AFF1: variants seen among roughly 807,000 people sequenced by gnomAD.
AFF1 encodes AF4/FMR2 family member 1.
AFF1 carries 48 observed loss-of-function variants against 121.7 expected under a neutral mutation model. The observed-to-expected ratio is 0.39, with a 90% CI of 0.31 to 0.50. The LOEUF (loss-of-function observed/expected upper bound fraction) is 0.50, where lower values mean the gene tolerates loss of function less well. AFF1 is among the 20% of genes least tolerant of loss of function. The pLI is 0.76. For synonymous variants in AFF1, 613 were observed against 563.0 expected (o/e 1.09, Z -1.26); for missense variants, 1,523 against 1,511.7 (o/e 1.01, Z -0.12).
chr4:87,105,066 T>G (rs189925568), intron 8 of AFF1, among the ~76,000 whole-genome samples: 50 of 152,370 alleles, frequency 3.3e-4, no homozygotes, highest in East Asian at 1.7e-3. Context: ...ATGTTTGCCT[T>G]GATAGCATCA....
intron 2 of AFF1, among the ~76,000 whole-genome samples, chr4:87,036,304 T>C (rs921279113): frequency 6.6e-6 from 1 of 152,166 alleles, no homozygotes; most frequent in African/African-American, 2.4e-5. Context: ...TTTCTGAAAT[T>C]TGTCAGTAAC....
At chr4:86,952,667 A>G (rs937855625) in intron 2 of AFF1, among the ~76,000 whole-genome samples, 2 of 150,672 alleles carry the variant, frequency 1.3e-5, no homozygotes, top group African/African-American at 4.9e-5. Context: ...GTAAAAAAAA[A>G]CAAAAAAACA....
At chr4:87,009,458 G>A (rs1238468525) in intron 2 of AFF1, among the ~76,000 whole-genome samples, 3 of 152,172 alleles carry the variant, frequency 2.0e-5, no homozygotes, top group Non-Finnish European at 4.4e-5. Context: ...CAGTGTGGTG[G>A]TTCAACTTGC....
chr4:87,098,836 C>G (rs193042331), intron 8 of AFF1, among the ~76,000 whole-genome samples: 1 of 152,268 alleles, frequency 6.6e-6, no homozygotes, highest in East Asian at 1.9e-4. Flanking sequence ...GGGATTGTCC[C>G]TCGAGTTGGA....
At chr4:87,127,740 T>G in intron 16 of AFF1, 37 bp downstream of exon 16, 1 of 1,608,262 alleles carries the variant, frequency 6.2e-7, no homozygotes, top group Non-Finnish European at 8.5e-7. Flanking sequence ...GTAGAATGTT[T>G]TCTGATAGTA....
chr4:87,034,997 A>G (rs1729419430), intron 2 of AFF1, among the ~76,000 whole-genome samples: 1 of 152,238 alleles, frequency 6.6e-6, no homozygotes, highest in Admixed American at 6.5e-5. Flanking sequence ...AGAAGCTCAC[A>G]GTCTAATAAG....
At chr4:87,028,474 A>G (rs1468171525) in intron 2 of AFF1, among the ~76,000 whole-genome samples, 1 of 150,566 alleles carries the variant, frequency 6.6e-6, no homozygotes, top group Non-Finnish European at 1.5e-5. Context: ...AGAAGAGTAA[A>G]CAAACACGTA....
At chr4:86,971,790 A>G (rs1722965643) in intron 2 of AFF1, among the ~76,000 whole-genome samples, 1 of 152,216 alleles carries the variant, frequency 6.6e-6, no homozygotes, top group Non-Finnish European at 1.5e-5. Context: ...ATGAGTGGAC[A>G]GTATGGGAAA....
chr4:87,090,091 C>T, intron 6 of AFF1, 21 bp downstream of exon 6: 1 of 1,576,410 alleles, frequency 6.3e-7, no homozygotes. Flanking sequence ...AAAAGTATGG[C>T]AGGCATTGCA....
chr4:87,111,631 G>A (rs1360335763), intron 11 of AFF1, among the ~76,000 whole-genome samples: 1 of 152,186 alleles, frequency 6.6e-6, no homozygotes, highest in Non-Finnish European at 1.5e-5. Context: ...TGGGATTACA[G>A]GTGTGAGCCA....
intron 12 of AFF1, 105 bp downstream of exon 12, chr4:87,115,404 C>A: frequency 8.5e-7 from 1 of 1,172,846 alleles, no homozygotes; most frequent in Non-Finnish European, 1.2e-6. Flanking sequence ...AGTTGTCTCA[C>A]AAGTCTTTGC....
intron 2 of AFF1, among the ~76,000 whole-genome samples, chr4:87,040,019 G>A (rs1329435134): frequency 2.6e-5 from 4 of 152,084 alleles, no homozygotes; most frequent in African/African-American, 9.7e-5. Context: ...AGCCTCCCAA[G>A]TAGCTGGGAT....
chr4:87,119,789 C>T (rs903631018), intron 12 of AFF1, among the ~76,000 whole-genome samples: 1 of 152,162 alleles, frequency 6.6e-6, no homozygotes, highest in Non-Finnish European at 1.5e-5. Context: ...AATCGCTTTG[C>T]TGACCAAGAC....
At chr4:87,017,669 G>A (rs904639369) in intron 2 of AFF1, among the ~76,000 whole-genome samples, 6 of 152,050 alleles carry the variant, frequency 3.9e-5, no homozygotes, top group South Asian at 4.2e-4. Context: ...AAAAGCGTTC[G>A]GGCAAAAATG....
At position 86,969,879 on chromosome 4, in the gene AFF1, C is replaced by CAAAAAAAAAAAAAAAAAAAAAAAAAAA. The variant is rs70953629; in HGVS notation, c.38+21326_38+21327insAAAAAAAAAAAAAAAAAAAAAAAAAAA. 4.6e-4 allele frequency among the ~76,000 whole-genome samples: 29 copies of CAAAAAAAAAAAAAAAAAAAAAAAAAAA among 63,632 alleles called. 5 individuals are homozygous for CAAAAAAAAAAAAAAAAAAAAAAAAAAA. Among genetic ancestry groups the CAAAAAAAAAAAAAAAAAAAAAAAAAAA allele is most frequent in the African/African-American group, 1.3e-3 (24 of 18,606 alleles). The allele number at this position is 63,632 out of a possible 152,430, so 41.7% of individuals were successfully genotyped here. A position where few individuals can be genotyped will look rare whatever the true frequency, so the allele number is the denominator to read the frequency against. ...TGGGCGGAAGAGCGAGACTCCGTCTCAAAAAAAAAAAAAAAAAAGGTAAGA... is the reference window on the plus strand; with the variant it reads ...TGGGCGGAAGAGCGAGACTCCGTCTCAAAAAAAAAAAAAAAAAAAAAAAAAAAAAAAAAAAAAAAAAAAAAGGTAAGA... On this transcript the variant is annotated intron_variant, in intron 2 of 20. Coordinates refer to ENST00000395146, the MANE Select transcript of AFF1 (RefSeq NM_001166693.3).
At chr4:87,046,018 G>A in intron 2 of AFF1, 148 bp from the exon 3 acceptor site, 1 of 994,340 alleles carries the variant, frequency 1.0e-6, no homozygotes. Flanking sequence ...GCTGGGTTAA[G>A]GAACTTAGGC....
intron 4 of AFF1, among the ~76,000 whole-genome samples, chr4:87,065,385 G>A (rs1277882878): frequency 6.6e-6 from 1 of 152,088 alleles, no homozygotes. Context: ...ACAACACATG[G>A]GAATTCAAGA....
chr4:86,973,922 A>C (rs953833233), intron 2 of AFF1: 5 of 152,302 alleles, frequency 3.3e-5, no homozygotes, highest in Non-Finnish European at 5.9e-5. Context: ...GAAAAATGGG[A>C]GTCCCTGTTC....
Position 86,938,534 on chromosome 4 carries a change from A to G in AFF1, c.-37+3294A>G, listed in dbSNP as rs552081456. ...GTTTGATTAGTGATATTTTCCTCAA[A>G]TAATAAATTCAACAATGGTTTCTGA... On this transcript the variant is annotated intron_variant, in intron 1 of 20. Transcript: ENST00000395146. Among the ~76,000 whole-genome samples the G allele has an allele frequency of 5.3e-5, 8 of 152,244 alleles. No homozygotes were observed. The South Asian group carries it at 8.3e-4, about 16-fold the overall frequency.
Sources: allele counts gnomAD v4.1 joint callset (sites outside exome capture counted in the v4.1 genomes callset), GRCh38; gene constraint gnomAD v4.1.1; transcripts MANE v1.5; gene names NCBI Gene and HGNC (gene_info 2026-07-23, HGNC 2026-07-21).